Variants in IL3RA observed in about 807,000 individuals in gnomAD.
IL3RA encodes the protein interleukin-3 receptor subunit alpha.
In IL3RA, 73 loss-of-function variants were observed where a neutral mutation model predicts 52.3. The ratio of observed to expected loss-of-function variants is 1.40; its 90% CI spans 1.16 to 1.70. The LOEUF (loss-of-function observed/expected upper bound fraction) is 1.70, where lower values mean the gene tolerates loss of function less well. Ranked by LOEUF, IL3RA falls within the 40% of genes most tolerant of loss-of-function variation. The pLI is 0.00. For synonymous variants in IL3RA, 260 were observed against 194.0 expected, an observed-to-expected ratio of 1.34 and a Z score of -2.83; for missense variants, 664 against 504.4, an observed-to-expected ratio of 1.32 and a Z score of -3.03.
chrX:1,377,942 T>G (rs2088903353), intron 9 of IL3RA, among the ~76,000 whole-genome samples: 1 of 149,662 alleles, frequency 6.7e-6, no homozygotes, highest in South Asian at 2.1e-4. Context: ...TCCCAGCACT[T>G]TGGGAGGCCG....
At chrX:1,359,843 C>T (rs1287652373) in intron 8 of IL3RA, among the ~76,000 whole-genome samples, 2 of 147,920 alleles carry the variant, frequency 1.4e-5, no homozygotes, top group African/African-American at 2.5e-5. Context: ...TCTCTGTCTC[C>T]CCCCTCCCCA....
chrX:1,345,176 T>A (rs1172367499), intron 2 of IL3RA, 140 bp from the exon 3 acceptor site: 1 of 557,272 alleles, frequency 1.8e-6, no homozygotes, highest in Non-Finnish European at 3.2e-6. Flanking sequence ...GTCAAAAAAT[T>A]TAAAAAAATT....
At chrX:1,348,737 TC>T (rs1321687134) in intron 4 of IL3RA, among the ~76,000 whole-genome samples, 192 bp downstream of exon 4, 5 of 126,574 alleles carry the variant, frequency 4.0e-5, no homozygotes, top group African/African-American at 9.4e-5. Context: ...TCTTTTTCTT[TC>T]TTTCTTTCCT....
rs1248374489 is a variant in IL3RA at position 1,353,516 on chromosome X, C to A, written c.616+1010C>A. Among the ~76,000 whole-genome samples the A allele has an allele frequency of 2.4e-4, 35 of 148,114 alleles. 1 individual carries two copies. Among genetic ancestry groups the A allele is most frequent in the African/African-American group, 8.7e-4 (34 of 39,220 alleles). On this transcript the variant is annotated intron_variant, in intron 6 of 11. Transcript: ENST00000331035. ...ATGGGACCCCCCATCATGGGTTCCA[C>A]ATGGGATCCCTCATCATTGGTTCCA...
intron 8 of IL3RA, among the ~76,000 whole-genome samples, chrX:1,360,751 C>T (rs1468078619): frequency 6.6e-6 from 1 of 151,716 alleles, no homozygotes; most frequent in African/African-American, 2.4e-5. Flanking sequence ...TGGTCTCGAA[C>T]TCCTGACCTC....
At chrX:1,341,275 G>A (rs1325476598) in intron 1 of IL3RA, among the ~76,000 whole-genome samples, 10 of 149,630 alleles carry the variant, frequency 6.7e-5, no homozygotes, top group African/African-American at 2.5e-4. Flanking sequence ...ACTCCAGCCT[G>A]GACGACAAGG....
chrX:1,344,307 A>C (rs1299239305), intron 2 of IL3RA, among the ~76,000 whole-genome samples: 1 of 148,836 alleles, frequency 6.7e-6, no homozygotes, highest in Non-Finnish European at 1.5e-5. Flanking sequence ...GGTGGCAGGC[A>C]CCTGTTATCC....
intron 2 of IL3RA, among the ~76,000 whole-genome samples, chrX:1,344,957 T>C (rs577704142): frequency 1.4e-5 from 2 of 146,536 alleles, no homozygotes; most frequent in African/African-American, 5.0e-5. Flanking sequence ...GGTCAGGAGA[T>C]CGAGACCATC....
At chrX:1,360,914 T>C (rs1275128028) in intron 8 of IL3RA, among the ~76,000 whole-genome samples, 3 of 133,896 alleles carry the variant, frequency 2.2e-5, no homozygotes, top group South Asian at 5.3e-4. Context: ...TGTCTCTCTC[T>C]CCCTTCCCCT....
rs1404221631 is a variant in IL3RA, at chrX:1,382,283, C to T, written c.1063-108C>T. On this transcript the variant is annotated intron_variant, in intron 11 of 11. Coordinates refer to ENST00000331035, the MANE Select transcript of IL3RA (RefSeq NM_002183.4). ...GGGATGACAGGCGTGAGACACCATG[C>T]CTGGCCCACAGAGCAGATCTGAGAT... 2.9e-6 allele frequency: 3 copies of T among 1,017,988 alleles called. No individual in the cohort carries two copies. The African/African-American group carries it at 4.7e-5, about 16-fold the overall frequency. 63.1% of individuals were successfully genotyped at this position (1,017,988 alleles called of 1,614,324 possible). A position where few individuals can be genotyped will look rare whatever the true frequency, so the allele number is the denominator to read the frequency against.
chrX:1,381,078 G>A lies in IL3RA; in HGVS notation c.1036G>A (p.Gly346Ser), dbSNP rs1427447344. ...CATCCCTCACATGAAAGACCCCATC[G>A]GTGACAGCTTCCAAAACGACAAGCT... is the stretch of plus-strand genomic sequence containing the variant. ...PRIPHMKDPI[G>S]DSFQNDKLVV... Residue 346 changes from glycine (G) to serine (S), a missense_variant, in exon 11 of 12, where the codon GGT becomes AGT. Physicochemically the swap from Gly to Ser is moderately conservative, Grantham distance 56. Transcript: ENST00000331035. 23 of 1,613,736 alleles carry A rather than the reference G, an allele frequency of 1.4e-5. No homozygotes were observed. Among genetic ancestry groups the A allele is most frequent in the Middle Eastern group, 1.6e-4 (1 of 6,078 alleles).
intron 4 of IL3RA, among the ~76,000 whole-genome samples, chrX:1,348,787 CCTT>C (rs1347077392): frequency 7.6e-5 from 11 of 145,416 alleles, no homozygotes; most frequent in Admixed American, 3.5e-4. Flanking sequence ...TCCCTCCCTC[CCTT>C]CTTTCTTTTC....
rs1441299599 is a variant in IL3RA at position 1,345,491 on chromosome X, GTATT to G, written c.183+67_183+70del. On this transcript the variant is annotated intron_variant, in intron 3 of 11. Transcript: ENST00000331035. ...TTATTTTATTTATTTATGTATTTAT[GTATT>G]TATTTATTTTTTGAGACGGAGTCTT... The G allele has an allele frequency of 7.2e-5, 87 of 1,203,276 alleles. 1 individual carries two copies. Among genetic ancestry groups the G allele is most frequent in the Admixed American group, 2.2e-4 (9 of 40,648 alleles). The allele number at this position is 1,203,276 out of a possible 1,614,324, so 74.5% of individuals were successfully genotyped here.
At chrX:1,341,549 CA>C (rs775610552) in intron 1 of IL3RA, among the ~76,000 whole-genome samples, 178 bp from the exon 2 acceptor site, 3,869 of 14,020 alleles carry the variant, frequency 0.28, 97 homozygotes, top group Non-Finnish European at 0.43. Flanking sequence ...CTCTGATGTG[CA>C]TGCATGTGCA....
At chrX:1,345,469 TTTTATTTA>T (rs760751091) in intron 3 of IL3RA, 35 bp downstream of exon 3, 1 of 1,327,716 alleles carries the variant, frequency 7.5e-7, no homozygotes, top group African/African-American at 1.5e-5. Flanking sequence ...TTTATTTTTA[TTTTATTTA>T]TTTATGTATT....
chrX:1,343,765 TTC>T (rs2085594021), intron 2 of IL3RA, among the ~76,000 whole-genome samples: 2 of 142,692 alleles, frequency 1.4e-5, no homozygotes, highest in African/African-American at 5.5e-5. Context: ...GACCTTCTTT[TTC>T]TTTCTTTCTT....
At chrX:1,348,043 A>AC (rs1416433226) in intron 3 of IL3RA, among the ~76,000 whole-genome samples, 1 of 131,302 alleles carries the variant, frequency 7.6e-6, no homozygotes, top group South Asian at 2.5e-4. Context: ...TCTCAAAAAA[A>AC]AAAAAAACAG....
rs777750954 is a variant in IL3RA, at chrX:1,356,349, C to A, written c.732+13C>A. 6.4e-7 allele frequency: 1 copy of A among 1,565,760 alleles called. No individual in the cohort carries two copies. The highest frequency in any genetic ancestry group is 1.1e-5 in the South Asian group (1 of 89,954). ...TCAGATACAAAAGGTAAACTTTCACCCCGCCCCCAGCCCCCCCACCCCCGT... is the reference window on the plus strand; with the variant it reads ...TCAGATACAAAAGGTAAACTTTCACACCGCCCCCAGCCCCCCCACCCCCGT... On this transcript the variant is annotated intron_variant, in intron 7 of 11. Transcript: ENST00000331035.
At chrX:1,348,674 CTT>C (rs375971291) in intron 4 of IL3RA, 129 bp downstream of exon 4, 42,479 of 481,268 alleles carry the variant, frequency 0.088, 3,155 homozygotes, top group African/African-American at 0.16. Context: ...TTCTTTCTTT[CTT>C]TCTTTCTTTC....
Sources: gnomAD v4.1 joint callset for allele counts (sites outside exome capture counted in the v4.1 genomes callset) on GRCh38, gnomAD v4.1.1 for gene constraint, MANE v1.5 for transcripts, NCBI Gene and HGNC (gene_info 2026-07-23, HGNC 2026-07-21) for gene names.